SLC39A8: variants seen among roughly 807,000 people sequenced by gnomAD.
The protein encoded by SLC39A8 is metal cation symporter ZIP8.
SLC39A8 carries 15 observed loss-of-function variants against 40.4 expected under a neutral mutation model. The observed-to-expected ratio is 0.37, with a 90% CI of 0.25 to 0.57. The LOEUF is 0.57. Ranked by LOEUF, SLC39A8 falls within the 20% of genes least tolerant of loss-of-function variation. The pLI is 0.75. For missense variants in SLC39A8, 472 were observed against 558.8 expected, an observed-to-expected ratio of 0.84 and a Z score of 1.57; for synonymous variants, 223 against 221.6, an observed-to-expected ratio of 1.01 and a Z score of -0.06.
intron 8 of SLC39A8, among the ~76,000 whole-genome samples, chr4:102,266,477 G>T (rs6837489): frequency 0.083 from 12,678 of 152,178 alleles, 1,714 homozygotes; most frequent in African/African-American, 0.29. Flanking sequence ...AATTATGTAT[G>T]TAATACATCC....
Position 102,262,062 on chromosome 4 carries a change from A to G in SLC39A8, c.*982T>C, listed in dbSNP as rs957157571. 6.1e-6 allele frequency: 6 copies of G among 986,000 alleles called. No individual in the cohort carries two copies. Among genetic ancestry groups the G allele is most frequent in the Non-Finnish European group, 7.2e-6 (6 of 829,914 alleles). The allele number at this position is 986,000 out of a possible 1,614,324, so 61.1% of individuals were successfully genotyped here. A position where few individuals can be genotyped will look rare whatever the true frequency, so the allele number is the denominator to read the frequency against. On this transcript the variant is annotated 3_prime_UTR_variant, in exon 9 of 9. Coordinates refer to ENST00000356736, the MANE Select transcript of SLC39A8 (RefSeq NM_001135146.2). ...GGAAGTCTTTTCTGAATGGCTCTCG[A>G]TCACACATAAGGAACATATGTTTTC...
At chr4:102,306,216 C>G (rs1299975639) in intron 4 of SLC39A8, among the ~76,000 whole-genome samples, 4 of 151,726 alleles carry the variant, frequency 2.6e-5, no homozygotes, top group African/African-American at 9.7e-5. Flanking sequence ...GTCTTTAGTC[C>G]ACATACAGTA....
intron 2 of SLC39A8, among the ~76,000 whole-genome samples, chr4:102,336,675 G>A (rs1735685107): frequency 6.6e-6 from 1 of 152,068 alleles, no homozygotes; most frequent in Admixed American, 6.5e-5. Flanking sequence ...CTTCAGGCCA[G>A]GAAAAACAAC....
chr4:102,318,616 C>A (rs748061462), intron 2 of SLC39A8, among the ~76,000 whole-genome samples: 1 of 152,080 alleles, frequency 6.6e-6, no homozygotes, highest in Non-Finnish European at 1.5e-5. Context: ...GAGAGTCCAG[C>A]GCCTGAAGAG....
In SLC39A8 at chr4:102,344,436, G is replaced by T. The variant is rs1180310498; in HGVS notation, c.219+8C>A. ...GTACGGAGGGCTGCCCGGACCTGGC[G>T]GCCTTACCTGGTTGAAGTGCAGCTG... is the stretch of plus-strand genomic sequence containing the variant. On this transcript the variant is annotated splice_region_variant and intron_variant, in intron 2 of 8. Coordinates refer to ENST00000356736, the MANE Select transcript of SLC39A8 (RefSeq NM_001135146.2). 4 of 1,511,256 alleles carry T rather than the reference G, an allele frequency of 2.6e-6. No individual in the cohort carries two copies. The East Asian group carries it at 7.8e-5, about 30-fold the overall frequency. The allele number at this position is 1,511,256 out of a possible 1,614,324, so 93.6% of individuals were successfully genotyped here.
At chr4:102,332,933 G>A (rs946814928) in intron 2 of SLC39A8, among the ~76,000 whole-genome samples, 1 of 152,048 alleles carries the variant, frequency 6.6e-6, no homozygotes, top group African/African-American at 2.4e-5. Flanking sequence ...ACCAAACACC[G>A]CATGTTCTCA....
intron 2 of SLC39A8, among the ~76,000 whole-genome samples, chr4:102,341,379 G>A (rs1292358471): frequency 6.6e-6 from 1 of 152,116 alleles, no homozygotes; most frequent in African/African-American, 2.4e-5. Context: ...GAGGAAATGA[G>A]GAAAAGGAAC....
chr4:102,317,275 A>C (rs546489068), intron 2 of SLC39A8, among the ~76,000 whole-genome samples: 6 of 152,286 alleles, frequency 3.9e-5, no homozygotes, highest in African/African-American at 1.4e-4. Flanking sequence ...TCAAATAATC[A>C]AATACACCAA....
downstream of SLC39A8, chr4:102,261,540 C>T (rs1475729738): frequency 6.4e-6 from 2 of 312,028 alleles, no homozygotes; most frequent in African/African-American, 2.3e-5. Context: ...AGAAATAAGC[C>T]ATGGCGGGGT....
At chr4:102,287,806 G>T (rs1733248995) in intron 6 of SLC39A8, among the ~76,000 whole-genome samples, 1 of 152,080 alleles carries the variant, frequency 6.6e-6, no homozygotes, top group African/African-American at 2.4e-5. Flanking sequence ...TTTTTTAAAA[G>T]AACTCTGAGT....
chr4:102,310,600 G>A (rs1021148855), intron 3 of SLC39A8, among the ~76,000 whole-genome samples: 6 of 152,054 alleles, frequency 3.9e-5, no homozygotes, highest in African/African-American at 1.4e-4. Flanking sequence ...GGGGGATGGT[G>A]GGAGTGTAAT....
intron 6 of SLC39A8, among the ~76,000 whole-genome samples, chr4:102,282,558 T>A (rs1732942651): frequency 6.6e-6 from 1 of 152,144 alleles, no homozygotes; most frequent in African/African-American, 2.4e-5. Context: ...TTTTTTTCCT[T>A]TTTGGCCGAG....
intron 2 of SLC39A8, among the ~76,000 whole-genome samples, chr4:102,320,215 G>GTA (rs1365970714): frequency 3.2e-5 from 4 of 125,548 alleles, no homozygotes; most frequent in African/African-American, 1.2e-4. Flanking sequence ...ATATATATAT[G>GTA]TATATATGTA....
In SLC39A8 at chr4:102,262,729, A is replaced by T; in HGVS notation, c.*315T>A. On this transcript the variant is annotated 3_prime_UTR_variant, in exon 9 of 9. Transcript: ENST00000356736. ...TAACTTGTATTTTCCCCTGAGTCTG[A>T]GTGTCTACATGATTATAGAATGCAT... is the stretch of plus-strand genomic sequence containing the variant. 9.7e-7 allele frequency: 1 copy of T among 1,031,222 alleles called. No individual in the cohort carries two copies. Among genetic ancestry groups the T allele is most frequent in the Non-Finnish European group, 1.2e-6 (1 of 859,872 alleles). The allele number at this position is 1,031,222 out of a possible 1,614,324, so 63.9% of individuals were successfully genotyped here. A position where few individuals can be genotyped will look rare whatever the true frequency, so the allele number is the denominator to read the frequency against.
At chr4:102,305,183 A>G in intron 4 of SLC39A8, 72 bp from the exon 5 acceptor site, 1 of 1,454,632 alleles carries the variant, frequency 6.9e-7, no homozygotes, top group South Asian at 1.2e-5. Context: ...TAATACCAGT[A>G]TGCAATTCTC....
intron 6 of SLC39A8, among the ~76,000 whole-genome samples, chr4:102,269,476 G>A (rs546910725): frequency 4.6e-5 from 7 of 152,184 alleles, no homozygotes; most frequent in South Asian, 2.1e-4. Flanking sequence ...CAATGTGGTC[G>A]TAGTAGAAAT....
intron 6 of SLC39A8, among the ~76,000 whole-genome samples, chr4:102,272,891 A>G (rs927961197): frequency 2.0e-5 from 3 of 152,104 alleles, no homozygotes; most frequent in Non-Finnish European, 4.4e-5. Flanking sequence ...GAGCCATGCC[A>G]TGAGGGACAG....
downstream of SLC39A8, among the ~76,000 whole-genome samples, chr4:102,257,510 A>G (rs1731734552): frequency 6.6e-6 from 1 of 152,312 alleles, no homozygotes. Context: ...GATACCCAGT[A>G]GGAGGATAGT....
At chr4:102,257,966 G>A (rs1297939249), downstream of SLC39A8, among the ~76,000 whole-genome samples, 1 of 152,218 alleles carries the variant, frequency 6.6e-6, no homozygotes, top group Admixed American at 6.5e-5. Flanking sequence ...TCAGCAGTGT[G>A]GGTGGGAGGG....
Sources: allele counts gnomAD v4.1 joint callset (sites outside exome capture counted in the v4.1 genomes callset), GRCh38; gene constraint gnomAD v4.1.1; transcripts MANE v1.5; gene names NCBI Gene and HGNC (gene_info 2026-07-23, HGNC 2026-07-21).